The following NTRK2 variants were observed in gnomAD, a reference collection of about 807,000 sequenced individuals.
NTRK2 encodes the protein BDNF/NT-3 growth factors receptor.
NTRK2 carries 13 observed loss-of-function variants against 94.5 expected under a neutral mutation model. That is an observed-to-expected ratio of 0.14 (90% CI 0.09 to 0.22). The LOEUF is 0.22. NTRK2 is among the 10% of genes least tolerant of loss of function. The probability of loss-of-function intolerance (pLI) is 1.00; values close to 1 mark genes in which losing one functional copy is unlikely to be tolerated. For missense variants in NTRK2, 639 were observed against 1,071.2 expected, an observed-to-expected ratio of 0.60 and a Z score of 5.63; for synonymous variants, 372 against 407.4, an observed-to-expected ratio of 0.91 and a Z score of 1.05.
intron 14 of NTRK2, among the ~76,000 whole-genome samples, chr9:84,912,806 C>A (rs1418350284): frequency 6.6e-6 from 1 of 151,754 alleles, no homozygotes; most frequent in East Asian, 1.9e-4. Flanking sequence ...TTAGTAGAGA[C>A]AGGGTTTCAC....
chr9:84,773,321 G>A (rs2132873124), intron 12 of NTRK2, among the ~76,000 whole-genome samples: 1 of 152,310 alleles, frequency 6.6e-6, no homozygotes, highest in Admixed American at 6.5e-5. Context: ...GCCTGGTGGA[G>A]CCTCCATTGC....
intron 6 of NTRK2, among the ~76,000 whole-genome samples, chr9:84,713,460 ATT>A (rs1242946350): frequency 2.0e-5 from 3 of 151,896 alleles, no homozygotes; most frequent in Admixed American, 2.0e-4. Context: ...CTGGGATTTT[ATT>A]TTTGTATTGT....
intron 12 of NTRK2, among the ~76,000 whole-genome samples, chr9:84,758,044 T>A (rs915660214): frequency 1.3e-5 from 2 of 152,106 alleles, no homozygotes; most frequent in African/African-American, 2.4e-5. Flanking sequence ...CATTGATTAA[T>A]AATGAATGTA....
At chr9:84,703,577 C>T (rs1362979504) in intron 4 of NTRK2, among the ~76,000 whole-genome samples, 4 of 152,070 alleles carry the variant, frequency 2.6e-5, no homozygotes, top group Non-Finnish European at 4.4e-5. Flanking sequence ...ATTTCCATGC[C>T]AGTTATAAAA....
chr9:84,730,864 T>C (rs1042665571), intron 9 of NTRK2, among the ~76,000 whole-genome samples: 9 of 150,558 alleles, frequency 6.0e-5, no homozygotes, highest in South Asian at 2.1e-4. Context: ...AGTTTGGCTT[T>C]ATATTCCATT....
chr9:84,926,214 C>T (rs1389134446), intron 14 of NTRK2, among the ~76,000 whole-genome samples: 1 of 119,604 alleles, frequency 8.4e-6, no homozygotes, highest in Non-Finnish European at 1.8e-5. Flanking sequence ...TTCTTTCTTT[C>T]TTTCTTTCTT....
intron 14 of NTRK2, chr9:84,877,947 A>G (rs2076131369): frequency 2.0e-6 from 2 of 1,011,516 alleles, no homozygotes; most frequent in African/African-American, 3.4e-5. Context: ...TTTTTCTTAC[A>G]TAGACTTGAG....
At chr9:84,793,697 T>C (rs2068966530) in intron 12 of NTRK2, among the ~76,000 whole-genome samples, 1 of 152,204 alleles carries the variant, frequency 6.6e-6, no homozygotes, top group Admixed American at 6.5e-5. Flanking sequence ...TGAGAAAGAA[T>C]GAAGCATTTC....
Position 84,877,334 on chromosome 9 carries a change from C to T in NTRK2, c.1633+9903C>T, listed in dbSNP as rs193065034. On this transcript the variant is annotated intron_variant, in intron 14 of 18. Transcript: ENST00000277120. ...ATGAGGAAGAACTTTGGTGTGAGGG[C>T]GGAGCTATGTGAAGGGTTGCTGGGT... 1.6e-4 allele frequency: 175 copies of T among 1,066,014 alleles called. No homozygotes were observed. In the African/African-American group the frequency reaches 2.2e-3, roughly 14 times the overall value. The allele number at this position is 1,066,014 out of a possible 1,614,324, so 66.0% of individuals were successfully genotyped here.
At chr9:84,800,185 G>A (rs1041133575) in intron 12 of NTRK2, among the ~76,000 whole-genome samples, 34 of 144,890 alleles carry the variant, frequency 2.3e-4, no homozygotes, top group African/African-American at 7.8e-4. Flanking sequence ...GGAAGCCGAA[G>A]CTCTATCAAG....
intron 8 of NTRK2, among the ~76,000 whole-genome samples, chr9:84,726,745 T>C (rs2062488274): frequency 6.6e-6 from 1 of 152,190 alleles, no homozygotes; most frequent in African/African-American, 2.4e-5. Flanking sequence ...CTTTGGTTTC[T>C]TCATCTGAAA....
chr9:84,950,595 T>A (rs80210135), intron 16 of NTRK2, among the ~76,000 whole-genome samples: 122,536 of 151,124 alleles, frequency 0.81, 49,858 homozygotes, highest in Non-Finnish European at 0.85. Flanking sequence ...TAATATGTTT[T>A]TTTTTTTTTT....
intron 12 of NTRK2, chr9:84,813,351 C>A: frequency 9.7e-7 from 1 of 1,031,944 alleles, no homozygotes; most frequent in South Asian, 4.7e-5. Context: ...TGTGAAATGT[C>A]CCGATTGTTA....
chr9:84,965,538 ATGT>A (rs1418585612), intron 17 of NTRK2, among the ~76,000 whole-genome samples: 2 of 152,178 alleles, frequency 1.3e-5, no homozygotes, highest in Non-Finnish European at 2.9e-5. Context: ...GCAGGTAGAA[ATGT>A]TGTTAACCGC....
chr9:84,891,269 T>TTAG (rs2132301837), intron 14 of NTRK2, among the ~76,000 whole-genome samples: 1 of 134,542 alleles, frequency 7.4e-6, no homozygotes, highest in South Asian at 2.2e-4. Flanking sequence ...TTCCGAAAGC[T>TTAG]TAGGTTCTAG....
At chr9:84,793,051 G>C (rs1021712241) in intron 12 of NTRK2, among the ~76,000 whole-genome samples, 7 of 152,152 alleles carry the variant, frequency 4.6e-5, no homozygotes, top group Non-Finnish European at 1.0e-4. Context: ...GCTGTGTACA[G>C]AGCGTGCACA....
intron 4 of NTRK2, among the ~76,000 whole-genome samples, chr9:84,706,514 A>ATTTTTTTTTTT (rs1251771059): frequency 5.8e-5 from 4 of 68,576 alleles, no homozygotes; most frequent in African/African-American, 1.1e-4. Context: ...CATGTGTGTT[A>ATTTTTTTTTTT]TTTTTTGTTT....
intron 17 of NTRK2, among the ~76,000 whole-genome samples, chr9:84,966,350 G>T (rs183581701): frequency 6.6e-5 from 10 of 152,144 alleles, no homozygotes; most frequent in Non-Finnish European, 1.5e-4. Flanking sequence ...TCTTGAAAGC[G>T]ATGAGATTTG....
intron 12 of NTRK2, among the ~76,000 whole-genome samples, chr9:84,803,705 C>G (rs1312333454): frequency 6.6e-6 from 1 of 152,156 alleles, no homozygotes; most frequent in Non-Finnish European, 1.5e-5. Context: ...CAAACGGAAC[C>G]CAGGCCTTGC....
Sources: gnomAD v4.1 joint callset for allele counts (sites outside exome capture counted in the v4.1 genomes callset) on GRCh38, gnomAD v4.1.1 for gene constraint, MANE v1.5 for transcripts, NCBI Gene and HGNC (gene_info 2026-07-23, HGNC 2026-07-21) for gene names.